Variants in ACVR2A observed in about 807,000 individuals in gnomAD.
ACVR2A encodes the protein activin receptor type-2A.
Under a neutral mutation model 61.4 loss-of-function variants are expected in ACVR2A, and 7 were observed. The ratio of observed to expected loss-of-function variants is 0.11; its 90% CI spans 0.06 to 0.21. The LOEUF is 0.21. Among genes scored for constraint, ACVR2A ranks in the 10% least tolerant of loss-of-function variants. The probability of loss-of-function intolerance (pLI) is 1.00; values close to 1 mark genes in which losing one functional copy is unlikely to be tolerated. For synonymous variants in ACVR2A, 193 were observed against 208.3 expected, an observed-to-expected ratio of 0.93 and a Z score of 0.63; for missense variants, 322 against 621.7, an observed-to-expected ratio of 0.52 and a Z score of 5.13.
At chr2:147,923,586 TTATAG>T (rs927426703) in intron 9 of ACVR2A, among the ~76,000 whole-genome samples, 1 of 152,078 alleles carries the variant, frequency 6.6e-6, no homozygotes, top group Admixed American at 6.6e-5. Context: ...TGTTCAAGTC[TTATAG>T]ATATTTGCTT....
At position 147,930,623 on chromosome 2, in the gene ACVR2A, T is replaced by C. The variant is rs1573724426; in HGVS notation, c.*3349T>C. The C allele has an allele frequency of 6.6e-6, 1 of 152,468 alleles. No individual in the cohort carries two copies. Among genetic ancestry groups the C allele is most frequent in the Non-Finnish European group, 1.5e-5 (1 of 67,994 alleles). The allele number at this position is 152,468 out of a possible 1,614,324, so 9.4% of individuals were successfully genotyped here. ...TATTGGTAAGCAGTTATTTTCGCTT[T>C]ACTCTGTATTTCTTGTGTTTTGGGC... On this transcript the variant is annotated 3_prime_UTR_variant, in exon 11 of 11. Transcript: ENST00000241416.
chr2:147,890,023 G>A (rs994993156), intron 1 of ACVR2A, among the ~76,000 whole-genome samples: 2 of 151,844 alleles, frequency 1.3e-5, no homozygotes, highest in African/African-American at 2.4e-5. Context: ...TTACAGATGC[G>A]GAAACAAGGT....
chr2:147,858,884 T>C (rs1685654220), intron 1 of ACVR2A, among the ~76,000 whole-genome samples: 1 of 152,162 alleles, frequency 6.6e-6, no homozygotes, highest in South Asian at 2.1e-4. Flanking sequence ...CACAGAGTAT[T>C]ATTATTTTGA....
chr2:147,915,207 C>T lies in ACVR2A; in HGVS notation c.545C>T (p.Pro182Leu), dbSNP rs1687221500. The T allele has an allele frequency of 6.2e-7, 1 of 1,611,866 alleles. No homozygotes were observed. The highest frequency in any genetic ancestry group is 1.1e-5 in the South Asian group (1 of 91,038). The change falls in exon 5 of 11, where the codon CCA (proline) becomes CTA (leucine). Residue 182 changes from proline (P) to leucine (L), a missense_variant. By Grantham distance (98) the Pro-to-Leu change is moderately conservative (BLOSUM62 -3). Coordinates refer to ENST00000241416, the MANE Select transcript of ACVR2A (RefSeq NM_001616.5). ...LVPTQDPGPP[P>L]PSPLLGLKPL... is the part of the protein sequence containing the mutation. ...TATCTGTAGGACCCAGGACCACCCC[C>T]ACCTTCTCCATTACTAGGTTTGAAA...
intron 1 of ACVR2A, among the ~76,000 whole-genome samples, chr2:147,875,277 A>G (rs114341083): frequency 6.6e-6 from 1 of 151,880 alleles, no homozygotes; most frequent in Non-Finnish European, 1.5e-5. Flanking sequence ...GCTCTCAATT[A>G]ATGATAAAAC....
intron 2 of ACVR2A, among the ~76,000 whole-genome samples, chr2:147,897,651 G>A (rs1322573393): frequency 6.6e-6 from 1 of 152,178 alleles, no homozygotes; most frequent in Non-Finnish European, 1.5e-5. Context: ...CCTGGAATCT[G>A]TGTTTGATTA....
At chr2:147,852,875 C>T (rs76623021) in intron 1 of ACVR2A, among the ~76,000 whole-genome samples, 488 of 152,126 alleles carry the variant, frequency 3.2e-3, no homozygotes, top group East Asian at 8.1e-3. Context: ...GAAATTTTGA[C>T]TAAATCTGAG....
chr2:147,898,372 T>C (rs1686795148), intron 2 of ACVR2A: 1 of 152,154 alleles, frequency 6.6e-6, no homozygotes, highest in Non-Finnish European at 1.5e-5. Context: ...TAAGTAATCA[T>C]GTTAATCTGT....
chr2:147,919,108 T>C (rs1687321035), intron 7 of ACVR2A, among the ~76,000 whole-genome samples: 1 of 152,156 alleles, frequency 6.6e-6, no homozygotes, highest in Non-Finnish European at 1.5e-5. Flanking sequence ...AAACATGGAA[T>C]TCAGTTTGCC....
intron 9 of ACVR2A, 101 bp downstream of exon 9, chr2:147,923,212 T>C (rs1573714827): frequency 7.6e-7 from 1 of 1,323,966 alleles, no homozygotes; most frequent in Middle Eastern, 2.5e-4. Context: ...TACAGTTTTT[T>C]TTTAATTGAC....
intron 10 of ACVR2A, 109 bp from the exon 11 acceptor site, chr2:147,926,970 GA>G: frequency 9.5e-7 from 1 of 1,047,234 alleles, no homozygotes. Context: ...AATGTTGACA[GA>G]AACTTCTTTG....
At chr2:147,918,354 A>G in intron 6 of ACVR2A, 93 bp from the exon 7 acceptor site, 1 of 1,073,256 alleles carries the variant, frequency 9.3e-7, no homozygotes, top group Non-Finnish European at 1.3e-6. Context: ...CTGAAAGGGA[A>G]ACTCACAACC....
chr2:147,845,000 G>GTTTTTTTGTT (rs1685264192), upstream of ACVR2A: 1 of 109,404 alleles, frequency 9.1e-6, no homozygotes, highest in Non-Finnish European at 1.5e-5. Context: ...CCCAGTGAGC[G>GTTTTTTTGTT]TTTTTTTTTT....
chr2:147,890,329 C>T (rs1645723649), intron 1 of ACVR2A, among the ~76,000 whole-genome samples: 2 of 131,844 alleles, frequency 1.5e-5, no homozygotes, highest in Non-Finnish European at 3.3e-5. Flanking sequence ...AAGTCCATGG[C>T]ACCATTAGTA....
intron 1 of ACVR2A, among the ~76,000 whole-genome samples, chr2:147,873,755 C>G (rs182942638): frequency 1.3e-5 from 2 of 151,886 alleles, no homozygotes; most frequent in East Asian, 3.8e-4. Context: ...AAATAGGAAA[C>G]GGCAGAACTT....
intron 8 of ACVR2A, among the ~76,000 whole-genome samples, chr2:147,921,600 G>A (rs1687383904): frequency 6.6e-6 from 1 of 152,096 alleles, no homozygotes; most frequent in Non-Finnish European, 1.5e-5. Context: ...TAGCCATATA[G>A]CTCTAGAAAA....
chr2:147,875,892 A>G (rs1158878640), intron 1 of ACVR2A, among the ~76,000 whole-genome samples: 1 of 152,082 alleles, frequency 6.6e-6, no homozygotes, highest in Non-Finnish European at 1.5e-5. Flanking sequence ...AGGACATGTA[A>G]CCTCTCAAAG....
chr2:147,862,883 A>G (rs1053160273), intron 1 of ACVR2A, among the ~76,000 whole-genome samples: 2 of 152,200 alleles, frequency 1.3e-5, no homozygotes, highest in Admixed American at 1.3e-4. Flanking sequence ...CAGCACAACC[A>G]TTATGTATAA....
intron 1 of ACVR2A, among the ~76,000 whole-genome samples, chr2:147,871,601 G>A (rs1427372197): frequency 6.6e-6 from 1 of 152,104 alleles, no homozygotes; most frequent in Admixed American, 6.6e-5. Flanking sequence ...GCTGTTTGCT[G>A]TATGTTCTAG....
Sources: allele counts gnomAD v4.1 joint callset (sites outside exome capture counted in the v4.1 genomes callset), GRCh38; gene constraint gnomAD v4.1.1; transcripts MANE v1.5; gene names NCBI Gene and HGNC (gene_info 2026-07-23, HGNC 2026-07-21).